Variants in UBE4B observed in about 807,000 individuals in gnomAD.
The protein encoded by UBE4B is ubiquitination factor E4B.
UBE4B carries 27 observed loss-of-function variants against 148.1 expected under a neutral mutation model. The observed-to-expected ratio is 0.18, with a 90% CI of 0.13 to 0.25. The LOEUF (loss-of-function observed/expected upper bound fraction) is 0.25, where lower values mean the gene tolerates loss of function less well. UBE4B is among the 10% of genes least tolerant of loss of function. UBE4B has a pLI of 1.00. For synonymous variants in UBE4B, 596 were observed against 619.3 expected (o/e 0.96, Z 0.56); for missense variants, 1,170 against 1,662.4 (o/e 0.70, Z 5.15).
intron 20 of UBE4B, among the ~76,000 whole-genome samples, chr1:10,150,026 G>T (rs149915029): frequency 6.8e-4 from 103 of 152,210 alleles, no homozygotes; most frequent in African/African-American, 2.0e-3. Context: ...AATACAAATT[G>T]TGAAAGTTTT....
chr1:10,143,643 G>A (rs143910951), intron 17 of UBE4B, among the ~76,000 whole-genome samples: 13 of 152,274 alleles, frequency 8.5e-5, no homozygotes, highest in African/African-American at 2.4e-4. Flanking sequence ...CGAAGGATTC[G>A]GATGCGACAA....
intron 3 of UBE4B, 124 bp downstream of exon 3, chr1:10,095,720 T>C: frequency 2.0e-6 from 2 of 1,013,746 alleles, no homozygotes; most frequent in South Asian, 3.2e-5. Context: ...CTTAGCAAAT[T>C]AGTGTCAAAT....
At chr1:10,098,268 A>G (rs553362154) in intron 3 of UBE4B, among the ~76,000 whole-genome samples, 5 of 152,350 alleles carry the variant, frequency 3.3e-5, no homozygotes, top group African/African-American at 4.8e-5. Flanking sequence ...TAGAAAATCT[A>G]TAAATATCAT....
intron 1 of UBE4B, among the ~76,000 whole-genome samples, chr1:10,069,526 A>G (rs1224340296): frequency 6.6e-6 from 1 of 152,104 alleles, no homozygotes; most frequent in African/African-American, 2.4e-5. Flanking sequence ...CCTGTAAGGA[A>G]GATACTGGTT....
chr1:10,125,033 G>A lies in UBE4B; in HGVS notation c.1555-1761G>A, dbSNP rs545874332. Among the ~76,000 whole-genome samples the A allele has an allele frequency of 3.9e-5, 6 of 152,338 alleles. 1 individual carries two copies. In the East Asian group the frequency reaches 7.7e-4, roughly 20 times the overall value. On this transcript the variant is annotated intron_variant, in intron 10 of 27. Coordinates refer to ENST00000343090, the MANE Select transcript of UBE4B (RefSeq NM_001105562.3). ...CCCAGCTACTTGGGAGGCTGAGGCA[G>A]GAGAATCTCTTGAACCCGAGTGATG...
chr1:10,173,544 C>A (rs147524786), intron 25 of UBE4B, among the ~76,000 whole-genome samples: 102 of 151,924 alleles, frequency 6.7e-4, no homozygotes, highest in African/African-American at 2.0e-3. Flanking sequence ...TACTAGCCCC[C>A]GACTATATAA....
At chr1:10,160,756 T>C (rs1646146993) in intron 22 of UBE4B, among the ~76,000 whole-genome samples, 1 of 152,014 alleles carries the variant, frequency 6.6e-6, no homozygotes, top group African/African-American at 2.4e-5. Context: ...AGACCAGCCC[T>C]GGCAACATAA....
chr1:10,127,928 G>A (rs1306545506), intron 11 of UBE4B, among the ~76,000 whole-genome samples: 1 of 152,170 alleles, frequency 6.6e-6, no homozygotes, highest in African/African-American at 2.4e-5. Context: ...GCACTAAAAG[G>A]CTACAAGAAT....
chr1:10,073,687 T>C lies in UBE4B; in HGVS notation c.211+1473T>C, dbSNP rs535494005. Among the ~76,000 whole-genome samples, 10 of 152,170 alleles carry C rather than the reference T, an allele frequency of 6.6e-5. No individual in the cohort carries two copies. The East Asian group carries it at 1.3e-3, about 21-fold the overall frequency. The stretch of plus-strand genomic sequence containing the variant: ...ATGAGCCAAGATTGCGCTACTGCAC[T>C]CCAACCTGGTGATGGCGTGAGATTC... On this transcript the variant is annotated intron_variant, in intron 2 of 27. Coordinates refer to ENST00000343090, the MANE Select transcript of UBE4B (RefSeq NM_001105562.3).
In UBE4B at chr1:10,168,231, C is replaced by T; in HGVS notation, c.3294C>T (p.His1098=). Residue 1098 remains histidine (H), a synonymous_variant, in exon 24 of 28, where the codon CAC becomes CAT. Transcript: ENST00000343090. The surrounding 1 kb of genome is among the most constrained non-coding windows in gnomAD (Gnocchi z 4.9). ...CCACCGAAACCGTGGACATGTTCCA[C>T]ATCCTCACGAAGCAGGTCCAGAAGC... The part of the protein sequence containing the change: ...ALATETVDMF[H]ILTKQVQKPF... The T allele has an allele frequency of 1.2e-6, 2 of 1,614,178 alleles. No individual in the cohort carries two copies. Among genetic ancestry groups the T allele is most frequent in the Non-Finnish European group, 1.7e-6 (2 of 1,180,034 alleles).
intron 18 of UBE4B, among the ~76,000 whole-genome samples, chr1:10,146,295 T>C (rs542956136): frequency 6.6e-6 from 1 of 152,018 alleles, no homozygotes; most frequent in South Asian, 2.1e-4. Flanking sequence ...CTACTAAAAA[T>C]ACAAAAATTA....
In UBE4B at chr1:10,106,715, A is replaced by G; in HGVS notation, c.1196+132A>G. The G allele has an allele frequency of 8.1e-7, 1 of 1,241,986 alleles. No individual in the cohort carries two copies. Among genetic ancestry groups the G allele is most frequent in the Non-Finnish European group, 1.1e-6 (1 of 938,408 alleles). The allele number at this position is 1,241,986 out of a possible 1,614,324, so 76.9% of individuals were successfully genotyped here. ...TTTGGGTTATTAACCTGTGTGGCTAACTAGTTTGGTAGGCACGTACTCTGA... is the reference window on the plus strand; with the variant it reads ...TTTGGGTTATTAACCTGTGTGGCTAGCTAGTTTGGTAGGCACGTACTCTGA... On this transcript the variant is annotated intron_variant, in intron 7 of 27. Transcript: ENST00000343090. The surrounding 1 kb of genome is among the most constrained non-coding windows in gnomAD (Gnocchi z 4.2).
intron 25 of UBE4B, 83 bp from the exon 26 acceptor site, chr1:10,178,561 A>G (rs1422355484): frequency 7.1e-7 from 1 of 1,408,814 alleles, no homozygotes; most frequent in Non-Finnish European, 9.5e-7. Context: ...CCACAAATGG[A>G]TAATACTTTG....
chr1:10,151,314 G>T lies in UBE4B; in HGVS notation c.2691-12G>T. ...CAGCGGTCTCTTTCTTGCTCTTCTT[G>T]CCTCTGTTCAGATACTCTCCCCAGG... On this transcript the variant is annotated splice_polypyrimidine_tract_variant and intron_variant, in intron 20 of 27. Transcript: ENST00000343090. The T allele has an allele frequency of 6.2e-7, 1 of 1,611,816 alleles. No homozygotes were observed. The highest frequency in any genetic ancestry group is 8.5e-7 in the Non-Finnish European group (1 of 1,178,858).
intron 1 of UBE4B, among the ~76,000 whole-genome samples, chr1:10,047,991 G>A (rs1286242567): frequency 6.6e-6 from 1 of 152,112 alleles, no homozygotes. Flanking sequence ...TAACTGGGAG[G>A]TGTGTGCCAC....
chr1:10,121,052 T>C (rs1293830432), intron 9 of UBE4B, among the ~76,000 whole-genome samples: 1 of 152,066 alleles, frequency 6.6e-6, no homozygotes, highest in Non-Finnish European at 1.5e-5. Flanking sequence ...TTTCCCCCAA[T>C]TTAGATGAGG....
At chr1:10,037,872 C>G (rs760531266) in intron 1 of UBE4B, among the ~76,000 whole-genome samples, 13 of 151,772 alleles carry the variant, frequency 8.6e-5, no homozygotes, top group Admixed American at 6.6e-5. Context: ...GTGTTTTAAA[C>G]TGTTTTTCGA....
At chr1:10,112,793 G>A (rs1429346016) in intron 7 of UBE4B, among the ~76,000 whole-genome samples, 1 of 152,120 alleles carries the variant, frequency 6.6e-6, no homozygotes, top group African/African-American at 2.4e-5. Flanking sequence ...ATCAGTTTTT[G>A]ACCATTGACA....
rs374151375 is a variant in UBE4B, at chr1:10,179,967, C to T, written c.*11C>T. ...AACAGCGATCACTAAACCGTTCCGC[C>T]GCCCACCCTCTGCTAGACACAGCCA... On this transcript the variant is annotated 3_prime_UTR_variant, in exon 28 of 28. Coordinates refer to ENST00000343090, the MANE Select transcript of UBE4B (RefSeq NM_001105562.3). The T allele has an allele frequency of 4.0e-5, 64 of 1,614,050 alleles. No homozygotes were observed. Among genetic ancestry groups the T allele is most frequent in the East Asian group, 4.5e-5 (2 of 44,874 alleles).
Sources: gnomAD v4.1 joint callset for allele counts (sites outside exome capture counted in the v4.1 genomes callset) on GRCh38, gnomAD v4.1.1 for gene constraint, Gnocchi (gnomAD v3.1) non-coding constraint, MANE v1.5 for transcripts, NCBI Gene and HGNC (gene_info 2026-07-23, HGNC 2026-07-21) for gene names.